WDCP: variants seen among roughly 807,000 people sequenced by gnomAD.
WDCP encodes WD repeat and coiled coil containing.
In WDCP, 19 loss-of-function variants were observed where a neutral mutation model predicts 41.6. The ratio of observed to expected loss-of-function variants is 0.46; its 90% CI spans 0.32 to 0.67. The LOEUF (loss-of-function observed/expected upper bound fraction) is 0.67, where lower values mean the gene tolerates loss of function less well. Among genes scored for constraint, WDCP ranks in the 30% least tolerant of loss-of-function variants. WDCP has a pLI of 0.04. For synonymous variants in WDCP, 302 were observed against 320.8 expected (o/e 0.94, Z 0.63); for missense variants, 802 against 850.7 (o/e 0.94, Z 0.71).
At chr2:24,044,761 A>G (rs1378363827) in intron 1 of WDCP, among the ~76,000 whole-genome samples, 4 of 150,190 alleles carry the variant, frequency 2.7e-5, no homozygotes, top group Non-Finnish European at 5.9e-5. Flanking sequence ...CCTTGATACC[A>G]GTCTCTACTT....
chr2:24,031,271 AT>A (rs1573652681), intron 3 of WDCP, 109 bp from the exon 4 acceptor site: 2 of 696,750 alleles, frequency 2.9e-6, no homozygotes, highest in East Asian at 5.4e-5. Flanking sequence ...AGTTGATAAT[AT>A]TCAACTCAAT....
At position 24,038,587 on chromosome 2, in the gene WDCP, A is replaced by T; in HGVS notation, c.908T>A (p.Leu303Gln). Reference protein sequence around the residue: ...HKSEGNSLICLRKKDYLTGTG... With the variant: ...HKSEGNSLICQRKKDYLTGTG... ...TCCTGTCAAGTAGTCCTTTTTTCTT[A>T]GACAAATAAGAGAATTACCCTCAGA... Residue 303 changes from leucine (L) to glutamine (Q), a missense_variant, in exon 2 of 4, where the codon CTA becomes CAA. Coordinates refer to ENST00000295148, the MANE Select transcript of WDCP (RefSeq NM_025203.3). 2 of 1,613,840 alleles carry T rather than the reference A, an allele frequency of 1.2e-6. No homozygotes were observed. The highest frequency in any genetic ancestry group is 1.7e-6 in the Non-Finnish European group (2 of 1,179,904).
intron 1 of WDCP, among the ~76,000 whole-genome samples, chr2:24,044,115 G>C (rs1029345764): frequency 4.6e-5 from 7 of 152,186 alleles, no homozygotes; most frequent in Admixed American, 3.9e-4. Context: ...TTCATGGGCA[G>C]AGAAAATTCC....
rs199711396 is a variant in WDCP, at chr2:24,039,417, A to G, written c.78T>C (p.Leu26=). The change falls in exon 2 of 4, where the codon CTT becomes CTC. Residue 26 remains leucine, a synonymous_variant. Coordinates refer to ENST00000295148, the MANE Select transcript of WDCP (RefSeq NM_025203.3). ...CAACTTGATTCCCATCGGTCCAGGC[A>G]AGGCCATGGATCGGATGCACTGCTT... is the stretch of plus-strand genomic sequence containing the variant. ...LHQAVHPIHG[L]AWTDGNQVVL... is the part of the protein sequence containing the mutation. The G allele has an allele frequency of 3.1e-6, 5 of 1,614,268 alleles. No homozygotes were observed. Among genetic ancestry groups the G allele is most frequent in the Non-Finnish European group, 4.2e-6 (5 of 1,180,048 alleles).
chr2:24,044,817 TAAA>T (rs747340836), intron 1 of WDCP, among the ~76,000 whole-genome samples: 1 of 103,924 alleles, frequency 9.6e-6, no homozygotes, highest in East Asian at 2.6e-4. Context: ...GAATTATCTT[TAAA>T]AAAAAAAAAA....
chr2:24,033,424 A>G (rs1169809221), intron 2 of WDCP, among the ~76,000 whole-genome samples: 1 of 152,242 alleles, frequency 6.6e-6, no homozygotes, highest in Non-Finnish European at 1.5e-5. Flanking sequence ...ACAAATAAAA[A>G]TAAATGATTT....
intron 1 of WDCP, among the ~76,000 whole-genome samples, chr2:24,043,707 T>C (rs1053692809): frequency 5.3e-5 from 8 of 152,224 alleles, no homozygotes; most frequent in Non-Finnish European, 1.2e-4. Context: ...TGTCACTGAA[T>C]CTAAATGACA....
At chr2:24,040,594 T>C (rs1357626140) in intron 1 of WDCP, among the ~76,000 whole-genome samples, 1 of 152,268 alleles carries the variant, frequency 6.6e-6, no homozygotes, top group Non-Finnish European at 1.5e-5. Flanking sequence ...TTTCAGAACA[T>C]TTTCACATTC....
intron 2 of WDCP, 126 bp from the exon 3 acceptor site, chr2:24,033,072 T>A (rs1394960914): frequency 4.2e-6 from 3 of 718,676 alleles, no homozygotes; most frequent in Non-Finnish European, 7.6e-6. Flanking sequence ...CAACTGGACT[T>A]CAGTTTTAAG....
chr2:24,030,299 C>G lies in WDCP; in HGVS notation c.*634G>C, dbSNP rs867694298. ...CTTGAAATTTCATTCAAAATTTTCCCAGGGCCAGTTTTTAAGAGTACCTGG... is the reference window on the plus strand; with the variant it reads ...CTTGAAATTTCATTCAAAATTTTCCGAGGGCCAGTTTTTAAGAGTACCTGG... On this transcript the variant is annotated 3_prime_UTR_variant, in exon 4 of 4. Transcript: ENST00000295148. 6.6e-6 allele frequency: 1 copy of G among 152,122 alleles called. No individual in the cohort carries two copies. Among genetic ancestry groups the G allele is most frequent in the African/African-American group, 2.4e-5 (1 of 41,424 alleles). 9.4% of individuals were successfully genotyped at this position (152,122 alleles called of 1,614,324 possible). A position where few individuals can be genotyped will look rare whatever the true frequency, so the allele number is the denominator to read the frequency against.
chr2:24,036,164 T>C (rs1215431829), intron 2 of WDCP, among the ~76,000 whole-genome samples: 1 of 151,768 alleles, frequency 6.6e-6, no homozygotes, highest in East Asian at 1.9e-4. Flanking sequence ...AAAACTCTAC[T>C]ACTGAAAACT....
Position 24,039,470 on chromosome 2 carries a change from G to A in WDCP, c.25C>T (p.Leu9Phe), listed in dbSNP as rs151012370. Residue 9 changes from leucine (L) to phenylalanine (F), a missense_variant, in exon 2 of 4, where the codon CTC (leucine) becomes TTC (phenylalanine). Transcript: ENST00000295148. ...TGCAACGCATTCAGTCCAGTCCTGA[G>A]TAGTTTTCCTTTTCCCAACTCCATC... MELGKGKL[L>F]RTGLNALHQA... The A allele has an allele frequency of 6.2e-7, 1 of 1,612,126 alleles. No homozygotes were observed. Among genetic ancestry groups the A allele is most frequent in the African/African-American group, 1.3e-5 (1 of 74,914 alleles).
At chr2:24,036,614 TG>T (rs1663264746) in intron 2 of WDCP, among the ~76,000 whole-genome samples, 1 of 152,194 alleles carries the variant, frequency 6.6e-6, no homozygotes, top group African/African-American at 2.4e-5. Flanking sequence ...GGTACTAATA[TG>T]AATGGATACA....
At chr2:24,045,250 C>T (rs548961250) in intron 1 of WDCP, among the ~76,000 whole-genome samples, 1 of 152,276 alleles carries the variant, frequency 6.6e-6, no homozygotes, top group South Asian at 2.1e-4. Flanking sequence ...GGATAACACC[C>T]AGATTTTTAG....
chr2:24,038,616 AT>A lies in WDCP; in HGVS notation c.878del (p.His293LeufsTer11), dbSNP rs776678257. On this transcript the variant is annotated frameshift_variant, in exon 2 of 4. Coordinates refer to ENST00000295148, the MANE Select transcript of WDCP (RefSeq NM_025203.3). LOFTEE classifies it high-confidence loss of function. Reference sequence around the variant, plus strand: ...AAATAAGAGAATTACCCTCAGACTTATGTTGATTGAAATGTATGTGAGTTAG... The same window carrying A: ...AAATAAGAGAATTACCCTCAGACTTAGTTGATTGAAATGTATGTGAGTTAG... ...LDLTHIHFNQ[H>X]KSEGNSLICL... is the part of the protein sequence containing the mutation. 1.2e-6 allele frequency: 2 copies of A among 1,614,036 alleles called. No homozygotes were observed. Among genetic ancestry groups the A allele is most frequent in the East Asian group, 4.5e-5 (2 of 44,902 alleles).
Position 24,038,573 on chromosome 2 carries a change from A to G in WDCP, c.922T>C (p.Tyr308His). The change falls in exon 2 of 4, where the codon TAC becomes CAC. Residue 308 changes from tyrosine to histidine, a missense_variant. By Grantham distance (83) the Tyr-to-His change is moderately conservative (BLOSUM62 2). Transcript: ENST00000295148. The part of the protein sequence containing the change: ...NSLICLRKKD[Y>H]LTGTGQDSSH... ...GAATCTTGGCCAGTTCCTGTCAAGT[A>G]GTCCTTTTTTCTTAGACAAATAAGA... 1 of 1,614,148 alleles carries G rather than the reference A, an allele frequency of 6.2e-7. No individual in the cohort carries two copies. Among genetic ancestry groups the G allele is most frequent in the Non-Finnish European group, 8.5e-7 (1 of 1,180,002 alleles).
At chr2:24,036,628 T>C (rs1253530632) in intron 2 of WDCP, among the ~76,000 whole-genome samples, 2 of 152,192 alleles carry the variant, frequency 1.3e-5, no homozygotes, top group Non-Finnish European at 2.9e-5. Flanking sequence ...TGGATACATA[T>C]AAGAGTACTA....
rs781724848 is a variant in WDCP, at chr2:24,037,864, T to C, written c.1631A>G (p.Gln544Arg). Reference protein sequence around the residue: ...TSTLEPPRLPQRKNLQSEKET... With the variant: ...TSTLEPPRLPRRKNLQSEKET... The stretch of plus-strand genomic sequence containing the variant: ...CTTTTCACTTTGTAAGTTCTTTCTT[T>C]GAGGCAAACGAGGAGGCTCCAGTGT... The change falls in exon 2 of 4, where the codon CAA (glutamine) becomes CGA (arginine). Residue 544 changes from glutamine to arginine, a missense_variant. Around this residue, in one of 5 missense-constraint regions of WDCP, gnomAD observed 321 missense variants for 305.1 expected, o/e 1.05. Transcript: ENST00000295148. 33 of 1,614,086 alleles carry C rather than the reference T, an allele frequency of 2.0e-5. No homozygotes were observed. The highest frequency in any genetic ancestry group is 2.6e-5 in the Non-Finnish European group (31 of 1,180,044).
rs767159483 is a variant in WDCP, at chr2:24,038,561, T to C, written c.934A>G (p.Thr312Ala). 1 of 1,614,204 alleles carries C rather than the reference T, an allele frequency of 6.2e-7. No individual in the cohort carries two copies. The highest frequency in any genetic ancestry group is 1.1e-5 in the South Asian group (1 of 91,076). Residue 312 changes from threonine to alanine, a missense_variant, in exon 2 of 4, where the codon ACT (threonine) becomes GCT (alanine). This residue lies in a region of WDCP where 247 missense variants were observed against 240.5 expected (regional missense o/e 1.03). Transcript: ENST00000295148. ...ACCAAATGTGAAGAATCTTGGCCAGTTCCTGTCAAGTAGTCCTTTTTTCTT... is the reference window on the plus strand; with the variant it reads ...ACCAAATGTGAAGAATCTTGGCCAGCTCCTGTCAAGTAGTCCTTTTTTCTT... ...CLRKKDYLTG[T>A]GQDSSHLVLV...
Sources: gnomAD v4.1 joint callset for allele counts (sites outside exome capture counted in the v4.1 genomes callset) on GRCh38, gnomAD v4.1.1 for gene constraint, gnomAD v4.1.1 regional missense constraint, MANE v1.5 for transcripts, NCBI Gene and HGNC (gene_info 2026-07-23, HGNC 2026-07-21) for gene names.